NBEA: variants seen among roughly 807,000 people sequenced by gnomAD.
The protein encoded by NBEA is neurobeachin, also known as lysosomal-trafficking regulator 2.
A neutral mutation model predicts 343.4 loss-of-function variants in NBEA; 44 were observed. The observed-to-expected ratio is 0.13, with a 90% CI of 0.10 to 0.16. The LOEUF is 0.16. Among genes scored for constraint, NBEA ranks in the 10% least tolerant of loss-of-function variants. The pLI is 1.00. For synonymous variants in NBEA, 1,175 were observed against 1,238.7 expected (o/e 0.95, Z 1.08); for missense variants, 2,555 against 3,631.3 (o/e 0.70, Z 7.62).
intron 38 of NBEA, among the ~76,000 whole-genome samples, chr13:35,391,939 G>T (rs558773629): frequency 2.6e-5 from 4 of 152,140 alleles, no homozygotes; most frequent in Admixed American, 2.0e-4. Context: ...TATCTCTGTT[G>T]TAAGCAATAC....
At chr13:35,000,438 T>G (rs1345429011) in intron 1 of NBEA, among the ~76,000 whole-genome samples, 1 of 152,074 alleles carries the variant, frequency 6.6e-6, no homozygotes, top group Non-Finnish European at 1.5e-5. Flanking sequence ...AGGAAAAGAA[T>G]AAATCTACAT....
At chr13:35,168,328 T>C (rs2070199239) in intron 24 of NBEA, among the ~76,000 whole-genome samples, 1 of 151,634 alleles carries the variant, frequency 6.6e-6, no homozygotes. Context: ...ATATAATTAT[T>C]AATGTAATAA....
intron 17 of NBEA, among the ~76,000 whole-genome samples, chr13:35,128,739 A>G (rs1233286914): frequency 6.6e-6 from 1 of 152,166 alleles, no homozygotes; most frequent in Non-Finnish European, 1.5e-5. Context: ...AGGATGAGAG[A>G]ATCATCAAAC....
intron 34 of NBEA, among the ~76,000 whole-genome samples, chr13:35,263,996 T>A (rs557206816): frequency 6.7e-6 from 1 of 149,690 alleles, no homozygotes; most frequent in Non-Finnish European, 1.5e-5. Context: ...GTTTTTTTTT[T>A]AAAGAAAAAC....
At chr13:35,170,196 T>C (rs2070355428) in intron 25 of NBEA, among the ~76,000 whole-genome samples, 2 of 151,776 alleles carry the variant, frequency 1.3e-5, no homozygotes, top group Non-Finnish European at 3.0e-5. Context: ...ATGCTCCTGC[T>C]TCTTCCAAGC....
chr13:35,008,615 A>G (rs148906806), intron 1 of NBEA, among the ~76,000 whole-genome samples: 3 of 152,274 alleles, frequency 2.0e-5, no homozygotes, highest in South Asian at 2.1e-4. Context: ...TGTATTTACA[A>G]TGTTGTATAA....
At chr13:35,615,308 T>A (rs1013895634) in intron 48 of NBEA, among the ~76,000 whole-genome samples, 9 of 129,386 alleles carry the variant, frequency 7.0e-5, no homozygotes, top group South Asian at 2.5e-4. Context: ...AAAAAAAAAA[T>A]TAGCTGAGGA....
chr13:35,026,044 T>G (rs2062009845), intron 1 of NBEA, among the ~76,000 whole-genome samples: 1 of 152,128 alleles, frequency 6.6e-6, no homozygotes, highest in Non-Finnish European at 1.5e-5. Context: ...AATCTCCACA[T>G]GTCAAGGACA....
At chr13:35,591,377 T>G (rs971411480) in intron 46 of NBEA, among the ~76,000 whole-genome samples, 4 of 152,118 alleles carry the variant, frequency 2.6e-5, no homozygotes, top group Admixed American at 2.0e-4. Flanking sequence ...AATAGTGAAT[T>G]AAACATCTAA....
rs997176186 is a variant in NBEA, at chr13:35,171,167, G to A, written c.4243-105G>A. 1.1e-5 allele frequency: 10 copies of A among 919,892 alleles called. No homozygotes were observed. In the Admixed American group the frequency reaches 1.1e-4, roughly 10 times the overall value. 57.0% of individuals were successfully genotyped at this position (919,892 alleles called of 1,614,324 possible). The stretch of plus-strand genomic sequence containing the variant: ...AACATTTATTTTATTTATAAAATAT[G>A]GTAAATATACTAAATTTATGTTCAC... On this transcript the variant is annotated intron_variant, in intron 25 of 58. Coordinates refer to ENST00000379939, the MANE Select transcript of NBEA (RefSeq NM_001385012.1).
chr13:35,058,639 TAATG>T (rs1267673026), intron 7 of NBEA, 74 bp from the exon 8 acceptor site: 3 of 1,097,912 alleles, frequency 2.7e-6, no homozygotes, highest in African/African-American at 3.2e-5. Context: ...ATATTCATGA[TAATG>T]AAGGCCGATT....
chr13:35,165,097 C>T (rs1244870508), intron 24 of NBEA: 1 of 533,928 alleles, frequency 1.9e-6, no homozygotes, highest in Non-Finnish European at 3.9e-6. Flanking sequence ...TACCCACGTT[C>T]TTGTTGCCGT....
At chr13:35,294,291 T>C (rs1361276284) in intron 35 of NBEA, among the ~76,000 whole-genome samples, 1 of 151,974 alleles carries the variant, frequency 6.6e-6, no homozygotes, top group African/African-American at 2.4e-5. Context: ...TTTACGTTTT[T>C]CATTTTTCCT....
At chr13:35,464,560 G>A (rs751341996) in intron 40 of NBEA, among the ~76,000 whole-genome samples, 2 of 152,128 alleles carry the variant, frequency 1.3e-5, no homozygotes, top group Non-Finnish European at 2.9e-5. Flanking sequence ...TTGATAGGAG[G>A]CAGCGTATAT....
At chr13:35,343,893 A>G (rs2039728615) in intron 36 of NBEA, among the ~76,000 whole-genome samples, 1 of 152,112 alleles carries the variant, frequency 6.6e-6, no homozygotes, top group Non-Finnish European at 1.5e-5. Context: ...TGTAATAATA[A>G]TAGGAATAAA....
chr13:35,540,387 A>G (rs982985580), intron 41 of NBEA, among the ~76,000 whole-genome samples: 6 of 152,192 alleles, frequency 3.9e-5, no homozygotes, highest in African/African-American at 1.4e-4. Context: ...TATTTTCAGT[A>G]GTATAGAGTT....
intron 1 of NBEA, among the ~76,000 whole-genome samples, chr13:34,989,266 A>G (rs979062786): frequency 2.6e-5 from 4 of 151,018 alleles, no homozygotes; most frequent in African/African-American, 4.8e-5. Context: ...CTACACATAT[A>G]TACCCAATAA....
In NBEA at chr13:35,184,029, A is replaced by G; in HGVS notation, c.4885A>G (p.Lys1629Glu). The G allele has an allele frequency of 6.2e-7, 1 of 1,611,952 alleles. No individual in the cohort carries two copies. The highest frequency in any genetic ancestry group is 1.1e-5 in the South Asian group (1 of 90,988). ...HPSLNHGFLA[K>E]LIPEQSFGHS... ...AAGTTTGAACCATGGATTCCTTGCCAAGTTAATTCCTGAGCAGAGCTTTGG... is the reference window on the plus strand; with the variant it reads ...AAGTTTGAACCATGGATTCCTTGCCGAGTTAATTCCTGAGCAGAGCTTTGG... The change falls in exon 30 of 59, where the codon AAG (lysine) becomes GAG (glutamate). Residue 1629 changes from lysine (K) to glutamate (E), a missense_variant. Transcript: ENST00000379939.
intron 38 of NBEA, among the ~76,000 whole-genome samples, chr13:35,423,757 C>T (rs569909071): frequency 8.5e-5 from 13 of 152,188 alleles, no homozygotes; most frequent in African/African-American, 1.9e-4. Flanking sequence ...GCCATTTTCA[C>T]GATATTGGTT....
Sources: gnomAD v4.1 joint callset for allele counts (sites outside exome capture counted in the v4.1 genomes callset) on GRCh38, gnomAD v4.1.1 for gene constraint, MANE v1.5 for transcripts, NCBI Gene and HGNC (gene_info 2026-07-23, HGNC 2026-07-21) for gene names.